The following ATAD2B variants were observed in gnomAD, a reference collection of about 807,000 sequenced individuals.
ATAD2B encodes ATPase family AAA domain containing 2B.
Under a neutral mutation model 167.6 loss-of-function variants are expected in ATAD2B, and 40 were observed. That is an observed-to-expected ratio of 0.24 (90% confidence interval 0.19 to 0.31). The LOEUF (loss-of-function observed/expected upper bound fraction) is 0.31. Among genes scored for constraint, ATAD2B ranks in the 10% least tolerant of loss-of-function variants. The probability of loss-of-function intolerance (pLI) is 1.00; values close to 1 mark genes in which losing one functional copy is unlikely to be tolerated. For synonymous variants in ATAD2B, 579 were observed against 596.5 expected, an observed-to-expected ratio of 0.97 and a Z score of 0.43; for missense variants, 1,242 against 1,757.2, an observed-to-expected ratio of 0.71 and a Z score of 5.24.
chr2:23,695,857 A>T, the ATAD2B span: 1 of 1,538,174 alleles, frequency 6.5e-7, no homozygotes, highest in Non-Finnish European at 8.8e-7. This position sits in a 1 kb window ranked among gnomAD's most constrained non-coding sequence, Gnocchi z 7.6. Context: ...CCCAAGAAGC[A>T]GTGTCTTGGG....
chr2:23,926,817 G>T lies in ATAD2B; in HGVS notation c.-47C>A. ...TCCACGCCGCGCCCGGGAGAGCCGAGCAAGGCCGGCCCGCCGGCCGGTCAG... is the reference window on the plus strand; with the variant it reads ...TCCACGCCGCGCCCGGGAGAGCCGATCAAGGCCGGCCCGCCGGCCGGTCAG... On this transcript the variant is annotated 5_prime_UTR_variant, in exon 1 of 28. Coordinates refer to ENST00000238789, the MANE Select transcript of ATAD2B (RefSeq NM_017552.4). 1 of 1,462,110 alleles carries T rather than the reference G, an allele frequency of 6.8e-7. No individual in the cohort carries two copies. The highest frequency in any genetic ancestry group is 1.5e-5 in the African/African-American group (1 of 68,650). The allele number at this position is 1,462,110 out of a possible 1,614,324, so 90.6% of individuals were successfully genotyped here.
the ATAD2B span, among the ~76,000 whole-genome samples, chr2:23,728,543 C>CT: frequency 6.6e-6 from 1 of 152,042 alleles, no homozygotes; most frequent in East Asian, 1.9e-4. Flanking sequence ...CCAAAAGAAA[C>CT]TAACTAAATT....
the ATAD2B span, chr2:23,706,794 GT>G: frequency 3.2e-6 from 2 of 624,354 alleles, no homozygotes; most frequent in Non-Finnish European, 5.3e-6. Context: ...CGCTCAACAT[GT>G]TGAATATTCT....
intron 14 of ATAD2B, among the ~76,000 whole-genome samples, chr2:23,832,948 C>T (rs1473823875): frequency 6.6e-6 from 1 of 152,184 alleles, no homozygotes; most frequent in African/African-American, 2.4e-5. Flanking sequence ...ATAAACACAC[C>T]AATATGCACT....
chr2:23,906,697 A>G (rs1179257602), intron 1 of ATAD2B, among the ~76,000 whole-genome samples: 2 of 152,020 alleles, frequency 1.3e-5, no homozygotes, highest in Admixed American at 1.3e-4. Flanking sequence ...TCCTTGATGA[A>G]CATTGATGCA....
In ATAD2B at chr2:23,752,460, C is replaced by G. The variant is rs527334050; in HGVS notation, c.4336-373G>C. ...CTAAGAGATTTCTATATATAAAATA[C>G]ATAAATATAAGTAAATATTTATATT... On this transcript the variant is annotated intron_variant, in intron 27 of 27. Transcript: ENST00000238789. 2.0e-5 allele frequency among the ~76,000 whole-genome samples: 3 copies of G among 149,904 alleles called. No individual in the cohort carries two copies. In the South Asian group the frequency reaches 6.3e-4, roughly 31 times the overall value.
At chr2:23,833,224 A>C (rs1689349780) in intron 14 of ATAD2B, among the ~76,000 whole-genome samples, 1 of 152,230 alleles carries the variant, frequency 6.6e-6, no homozygotes, top group African/African-American at 2.4e-5. Flanking sequence ...CTAGGTATGT[A>C]AACCAGGCAT....
intron 25 of ATAD2B, among the ~76,000 whole-genome samples, chr2:23,756,710 T>C (rs1196825284): frequency 6.6e-6 from 1 of 152,146 alleles, no homozygotes; most frequent in African/African-American, 2.4e-5. Context: ...TTGACAATGA[T>C]TGCTCTGCTT....
intron 22 of ATAD2B, among the ~76,000 whole-genome samples, chr2:23,769,784 G>C: frequency 7.1e-6 from 1 of 141,066 alleles, no homozygotes; most frequent in Non-Finnish European, 1.5e-5. Flanking sequence ...GGCATAATCT[G>C]GGCTCACTGC....
chr2:23,709,190 T>C, the ATAD2B span, among the ~76,000 whole-genome samples: 2 of 152,126 alleles, frequency 1.3e-5, no homozygotes, highest in Non-Finnish European at 2.9e-5. Flanking sequence ...TACAAGCCTA[T>C]GCCACCACAC....
chr2:23,771,335 T>C (rs1678289138), intron 22 of ATAD2B, among the ~76,000 whole-genome samples: 2 of 152,218 alleles, frequency 1.3e-5, no homozygotes, highest in South Asian at 4.1e-4. Context: ...AGTTTAATGT[T>C]GATAGAAGTG....
intron 1 of ATAD2B, among the ~76,000 whole-genome samples, chr2:23,915,543 AGCTGGGATTACAG>A (rs1209953141): frequency 6.8e-6 from 1 of 146,802 alleles, no homozygotes; most frequent in Non-Finnish European, 1.5e-5. Flanking sequence ...CCTCTTGAGT[AGCTGGGATTACAG>A]GTGTAAACAA....
chr2:23,894,236 C>T (rs1052584899), intron 2 of ATAD2B, among the ~76,000 whole-genome samples: 1 of 151,856 alleles, frequency 6.6e-6, no homozygotes, highest in African/African-American at 2.4e-5. Context: ...AATCCCAGCA[C>T]TTTGGGAGGT....
the ATAD2B span, among the ~76,000 whole-genome samples, chr2:23,710,142 T>G: frequency 1.3e-5 from 2 of 149,752 alleles, no homozygotes; most frequent in Non-Finnish European, 3.0e-5. Context: ...ATAGCCAAAA[T>G]AAGAAGAGAA....
At chr2:23,902,958 C>G (rs1425913820) in intron 1 of ATAD2B, among the ~76,000 whole-genome samples, 1 of 152,034 alleles carries the variant, frequency 6.6e-6, no homozygotes, top group African/African-American at 2.4e-5. Flanking sequence ...TGTTTTTGGC[C>G]GGGCATGGTG....
chr2:23,748,491 C>A (rs1374068619), downstream of ATAD2B, among the ~76,000 whole-genome samples: 1 of 152,112 alleles, frequency 6.6e-6, no homozygotes, highest in South Asian at 2.1e-4. Flanking sequence ...ACATAAAAAG[C>A]TTTCAGCTAA....
intron 13 of ATAD2B, among the ~76,000 whole-genome samples, chr2:23,837,178 G>A (rs1690125231): frequency 6.6e-6 from 1 of 152,238 alleles, no homozygotes; most frequent in African/African-American, 2.4e-5. Context: ...CAGGGGGTTG[G>A]CATGTAGCAC....
intron 13 of ATAD2B, among the ~76,000 whole-genome samples, chr2:23,837,568 C>T (rs955208466): frequency 2.0e-5 from 3 of 152,214 alleles, no homozygotes; most frequent in African/African-American, 4.8e-5. Flanking sequence ...CCAAAAGCTC[C>T]GTGGAATGTG....
chr2:23,922,477 AAG>A (rs1334638315), intron 1 of ATAD2B, among the ~76,000 whole-genome samples: 1 of 146,860 alleles, frequency 6.8e-6, no homozygotes, highest in African/African-American at 2.5e-5. Flanking sequence ...GGGTAATGAT[AAG>A]AGAGGAAAAA....
Sources: gnomAD v4.1 joint callset for allele counts (sites outside exome capture counted in the v4.1 genomes callset) on GRCh38, gnomAD v4.1.1 for gene constraint, Gnocchi (gnomAD v3.1) non-coding constraint, MANE v1.5 for transcripts, NCBI Gene and HGNC (gene_info 2026-07-23, HGNC 2026-07-21) for gene names.